The following TMEM217 variants were observed in gnomAD, a reference collection of about 807,000 sequenced individuals.
TMEM217 encodes chromosome 6 open reading frame 128.
For missense variants in TMEM217, 204 were observed against 248.8 expected (o/e 0.82, Z 1.21); for synonymous variants, 76 against 88.3 (o/e 0.86, Z 0.78).
chr6:37,253,288 T>C (rs1356411432), intron 1 of TMEM217, among the ~76,000 whole-genome samples: 1 of 152,204 alleles, frequency 6.6e-6, no homozygotes, highest in Non-Finnish European at 1.5e-5. Context: ...CTGTTTATTA[T>C]TGGTTGCAAG....
At chr6:37,213,072 T>G, downstream of TMEM217, 1 of 988,082 alleles carries the variant, frequency 1.0e-6, no homozygotes, top group Non-Finnish European at 1.5e-6. Flanking sequence ...AGTCACTAGA[T>G]ATAAATCAGA....
exon 2 of TMEM217, chr6:37,217,711 C>T (rs1160577777): frequency 1.1e-5 from 11 of 985,212 alleles, no homozygotes; most frequent in Non-Finnish European, 1.3e-5. Flanking sequence ...GAAATCATAG[C>T]ACAAACCCAC....
At chr6:37,243,884 G>T (rs571801979) in intron 1 of TMEM217, among the ~76,000 whole-genome samples, 1 of 152,178 alleles carries the variant, frequency 6.6e-6, no homozygotes, top group African/African-American at 2.4e-5. Context: ...CTCTGGATGG[G>T]GGGGTGCACA....
At chr6:37,221,233 C>G (rs1763501840) in intron 1 of TMEM217, among the ~76,000 whole-genome samples, 1 of 151,412 alleles carries the variant, frequency 6.6e-6, no homozygotes, top group Admixed American at 6.6e-5. Context: ...GTCGCCCAGG[C>G]TGGAATGCAG....
At chr6:37,243,325 T>C (rs1333016343) in intron 1 of TMEM217, among the ~76,000 whole-genome samples, 1 of 152,088 alleles carries the variant, frequency 6.6e-6, no homozygotes. Context: ...CTGAGTGTGG[T>C]CATGTGACCA....
At chr6:37,239,229 C>T (rs937501209) in intron 1 of TMEM217, among the ~76,000 whole-genome samples, 1 of 152,126 alleles carries the variant, frequency 6.6e-6, no homozygotes, top group African/African-American at 2.4e-5. Flanking sequence ...TGGCTCATGC[C>T]TATAATTCCA....
At chr6:37,219,109 G>T in intron 1 of TMEM217, 68 bp from the exon 2 acceptor site, 1 of 1,382,880 alleles carries the variant, frequency 7.2e-7, no homozygotes, top group Non-Finnish European at 9.9e-7. Context: ...CAGGGTTTCT[G>T]CCTCCTTCCC....
intron 1 of TMEM217, among the ~76,000 whole-genome samples, chr6:37,231,957 C>A (rs760201630): frequency 6.6e-6 from 1 of 151,840 alleles, no homozygotes; most frequent in East Asian, 1.9e-4. Context: ...TTACTAAAAT[C>A]AGAATCTCTG....
intron 1 of TMEM217, among the ~76,000 whole-genome samples, chr6:37,224,611 A>G (rs969151784): frequency 7.7e-5 from 4 of 51,928 alleles, no homozygotes; most frequent in African/African-American, 1.0e-4. Flanking sequence ...ACAAACAAAC[A>G]AACGAAAAAA....
intron 1 of TMEM217, among the ~76,000 whole-genome samples, chr6:37,236,029 T>TA (rs1037024601): frequency 8.6e-4 from 131 of 152,254 alleles, no homozygotes; most frequent in African/African-American, 3.0e-3. Flanking sequence ...GCTAGATAAA[T>TA]AAAAAATCAT....
At chr6:37,213,501 G>GCCTTGTCC (rs913037600), downstream of TMEM217, among the ~76,000 whole-genome samples, 1 of 152,240 alleles carries the variant, frequency 6.6e-6, no homozygotes, top group Non-Finnish European at 1.5e-5. Context: ...GCATGGCCCA[G>GCCTTGTCC]CCTTGTCCCA....
At chr6:37,231,574 G>T (rs1409108075) in intron 1 of TMEM217, among the ~76,000 whole-genome samples, 1 of 149,480 alleles carries the variant, frequency 6.7e-6, no homozygotes, top group Non-Finnish European at 1.5e-5. Context: ...TCGGGAGGCT[G>T]AGGCAGGAGA....
downstream of TMEM217, chr6:37,215,428 A>G (rs1056655319): frequency 1.9e-6 from 2 of 1,079,410 alleles, no homozygotes; most frequent in African/African-American, 1.6e-5. Context: ...TACAAAAATT[A>G]GCTGGGCATG....
chr6:37,254,496 A>T (rs1233025011), intron 1 of TMEM217, among the ~76,000 whole-genome samples: 1 of 152,224 alleles, frequency 6.6e-6, no homozygotes, highest in Non-Finnish European at 1.5e-5. Flanking sequence ...AGTTTGAAGA[A>T]TACAATCTTT....
At chr6:37,222,301 C>T (rs941657313) in intron 1 of TMEM217, among the ~76,000 whole-genome samples, 2 of 152,240 alleles carry the variant, frequency 1.3e-5, no homozygotes, top group East Asian at 3.9e-4. Context: ...ATCGATACGC[C>T]TCCCGCTGCC....
chr6:37,213,146 G>T, downstream of TMEM217: 1 of 628,178 alleles, frequency 1.6e-6, no homozygotes. Flanking sequence ...CATGGGGTCT[G>T]GCCCGTGCTC....
intron 1 of TMEM217, among the ~76,000 whole-genome samples, chr6:37,244,099 A>T (rs1197721251): frequency 3.9e-5 from 6 of 152,236 alleles, no homozygotes; most frequent in Non-Finnish European, 8.8e-5. Flanking sequence ...AGTAGAACTC[A>T]GGCCCCTCTC....
At chr6:37,229,563 C>G (rs964175464) in intron 1 of TMEM217, among the ~76,000 whole-genome samples, 3 of 151,928 alleles carry the variant, frequency 2.0e-5, no homozygotes, top group African/African-American at 7.3e-5. Context: ...AGGATGGTCT[C>G]GATCTCCTGA....
chr6:37,214,474 G>A (rs559972911), downstream of TMEM217, among the ~76,000 whole-genome samples: 10 of 152,182 alleles, frequency 6.6e-5, no homozygotes, highest in African/African-American at 1.9e-4. Flanking sequence ...TGATCTGCCC[G>A]CCTCGGCCTC....
Sources: gnomAD v4.1 joint callset for allele counts (sites outside exome capture counted in the v4.1 genomes callset) on GRCh38, gnomAD v4.1.1 for gene constraint, MANE v1.5 for transcripts, NCBI Gene and HGNC (gene_info 2026-07-23, HGNC 2026-07-21) for gene names.